Variants in PLPP7 observed in about 807,000 individuals in gnomAD.
The protein encoded by PLPP7 is phospholipid phosphatase 7 (inactive).
PLPP7 carries 11 observed loss-of-function variants against 16.9 expected under a neutral mutation model. The ratio of observed to expected loss-of-function variants is 0.65; its 90% CI spans 0.41 to 1.08. The LOEUF is 1.08. PLPP7 is among the 50% of genes least tolerant of loss of function. The probability of loss-of-function intolerance (pLI) is 0.00; values close to 1 mark genes in which losing one functional copy is unlikely to be tolerated. For synonymous variants in PLPP7, 174 were observed against 175.1 expected (o/e 0.99, Z 0.05); for missense variants, 358 against 397.1 (o/e 0.90, Z 0.84).
chr9:131,308,003 C>G lies in PLPP7; in HGVS notation c.532C>G (p.Leu178Val). The G allele has an allele frequency of 3.1e-6, 5 of 1,600,898 alleles. No homozygotes were observed. Among genetic ancestry groups the G allele is most frequent in the Non-Finnish European group, 4.2e-6 (5 of 1,179,828 alleles). The change falls in exon 2 of 2, where the codon CTC (leucine) becomes GTC (valine). Residue 178 changes from leucine to valine, a missense_variant. Transcript: ENST00000372264. ...CGGCCCGTACGAGACGAGCCCCAGC[C>G]TCCTGGACTACCTCACCATGGACAT... The part of the protein sequence containing the change: ...RRGPYETSPS[L>V]LDYLTMDIYA...
intron 1 of PLPP7, among the ~76,000 whole-genome samples, chr9:131,301,731 C>T (rs1835799909): frequency 1.3e-5 from 2 of 152,130 alleles, no homozygotes. Context: ...CACTCCTCCC[C>T]GGTTCATTGG....
Position 131,295,395 on chromosome 9 carries a change from A to G in PLPP7, c.451+4947A>G, listed in dbSNP as rs141790280. Among the ~76,000 whole-genome samples, 1,432 of 152,092 alleles carry G rather than the reference A, an allele frequency of 9.4e-3. 26 individuals carry two copies. The highest frequency in any genetic ancestry group is 0.032 in the African/African-American group (1,348 of 41,518). On this transcript the variant is annotated intron_variant, in intron 1 of 1. Coordinates refer to ENST00000372264, the MANE Select transcript of PLPP7 (RefSeq NM_032728.4). The surrounding 1 kb of genome is among the most constrained non-coding windows in gnomAD (Gnocchi z 4.0). ...TCTTGAACTGTTGACCTGATGATCC[A>G]CCTGCATCAGCTTCCCAAAGTGCTG...
At chr9:131,294,913 G>A (rs1326858804) in intron 1 of PLPP7, among the ~76,000 whole-genome samples, 1 of 151,964 alleles carries the variant, frequency 6.6e-6, no homozygotes, top group Non-Finnish European at 1.5e-5. Flanking sequence ...CCAAAGTGCT[G>A]GGATTACAGG....
Position 131,290,514 on chromosome 9 carries a change from C to A in PLPP7, c.451+66C>A. The A allele has an allele frequency of 7.1e-7, 1 of 1,412,992 alleles. No homozygotes were observed. The highest frequency in any genetic ancestry group is 1.5e-5 in the South Asian group (1 of 65,956). 87.5% of individuals were successfully genotyped at this position (1,412,992 alleles called of 1,614,324 possible). A position where few individuals can be genotyped will look rare whatever the true frequency, so the allele number is the denominator to read the frequency against. On this transcript the variant is annotated intron_variant, in intron 1 of 1. Transcript: ENST00000372264. This position sits in a 1 kb window ranked among gnomAD's most constrained non-coding sequence, Gnocchi z 4.2. ...CGGGAGGCAGCCTGGCCTGCCCAAC[C>A]CCACCCTGGCCGGGACCTGCACAGC...
At position 131,303,612 on chromosome 9, in the gene PLPP7, C is replaced by T. The variant is rs185239649; in HGVS notation, c.452-4311C>T. ...ACTGAACTGTCATTGAGTCATAACC[C>T]CCCACCTTTATCCAGCCCTCCTGGT... On this transcript the variant is annotated intron_variant, in intron 1 of 1. Transcript: ENST00000372264. 3.4e-3 allele frequency among the ~76,000 whole-genome samples: 516 copies of T among 152,196 alleles called. 4 individuals are homozygous for T. Among genetic ancestry groups the T allele is most frequent in the African/African-American group, 0.012 (501 of 41,526 alleles).
In PLPP7 at chr9:131,307,584, A is replaced by C. The variant is rs1421031980; in HGVS notation, c.452-339A>C. Among the ~76,000 whole-genome samples the C allele has an allele frequency of 2.5e-3, 353 of 141,482 alleles. 1 individual carries two copies. The highest frequency in any genetic ancestry group is 4.6e-3 in the Non-Finnish European group (295 of 64,628). The allele number at this position is 141,482 out of a possible 152,430, so 92.8% of individuals were successfully genotyped here. On this transcript the variant is annotated intron_variant, in intron 1 of 1. Transcript: ENST00000372264. ...AAAAAAAAAAAAAAAAAAAAAAAAA[A>C]CCCAAAGAAATAAAATGCGTATTAT...
At chr9:131,293,836 A>G (rs1051296240) in intron 1 of PLPP7, among the ~76,000 whole-genome samples, 3 of 152,090 alleles carry the variant, frequency 2.0e-5, no homozygotes, top group African/African-American at 2.4e-5. Flanking sequence ...CGGTGACATC[A>G]CTGCAATACT....
chr9:131,296,459 G>A (rs1564246520), intron 1 of PLPP7, among the ~76,000 whole-genome samples: 1 of 152,106 alleles, frequency 6.6e-6, no homozygotes, highest in Non-Finnish European at 1.5e-5. Context: ...TCACCATGTT[G>A]GCCAGGCTGG....
Position 131,308,080 on chromosome 9 carries a change from C to A in PLPP7, c.609C>A (p.Phe203Leu). 6.2e-7 allele frequency: 1 copy of A among 1,601,440 alleles called. No individual in the cohort carries two copies. Among genetic ancestry groups the A allele is most frequent in the South Asian group, 1.1e-5 (1 of 91,064 alleles). ...GCCGCGCCGCCATGGTGTCCAAGTT[C>A]TTCCTCAGCCACCTGGTGCTGGCGG... ...HASRAAMVSK[F>L]FLSHLVLAVP... The change falls in exon 2 of 2, where the codon TTC becomes TTA. Residue 203 changes from phenylalanine to leucine, a missense_variant. Coordinates refer to ENST00000372264, the MANE Select transcript of PLPP7 (RefSeq NM_032728.4).
At chr9:131,301,994 T>C (rs1423702037) in intron 1 of PLPP7, among the ~76,000 whole-genome samples, 1 of 152,024 alleles carries the variant, frequency 6.6e-6, no homozygotes, top group African/African-American at 2.4e-5. Flanking sequence ...TTTTTTTGTA[T>C]TTTTAGTAGA....
intron 1 of PLPP7, among the ~76,000 whole-genome samples, chr9:131,298,458 T>C (rs1457980557): frequency 6.6e-6 from 1 of 152,132 alleles, no homozygotes; most frequent in Admixed American, 6.5e-5. Context: ...CCTTGTTCCT[T>C]GCTTTAGAAC....
chr9:131,296,981 T>C (rs1474848934), intron 1 of PLPP7, among the ~76,000 whole-genome samples: 1 of 152,214 alleles, frequency 6.6e-6, no homozygotes, highest in Non-Finnish European at 1.5e-5. Context: ...TCAGATACCC[T>C]CCTGTGGGAA....
intron 1 of PLPP7, among the ~76,000 whole-genome samples, chr9:131,302,260 C>T (rs1199355498): frequency 6.6e-6 from 1 of 152,192 alleles, no homozygotes; most frequent in African/African-American, 2.4e-5. Flanking sequence ...AACTGCCTTC[C>T]CTCGCCAGGT....
In PLPP7 at chr9:131,308,071, G is replaced by A; in HGVS notation, c.600G>A (p.Val200=). 6.9e-6 allele frequency: 11 copies of A among 1,601,446 alleles called. No individual in the cohort carries two copies. In the South Asian group the frequency reaches 7.7e-5, roughly 11 times the overall value. Residue 200 remains valine, a synonymous_variant, in exon 2 of 2, where the codon GTG becomes GTA. Coordinates refer to ENST00000372264, the MANE Select transcript of PLPP7 (RefSeq NM_032728.4). ...PAGHASRAAM[V]SKFFLSHLVL... ...GGCACGCCAGCCGCGCCGCCATGGTGTCCAAGTTCTTCCTCAGCCACCTGG... is the reference window on the plus strand; with the variant it reads ...GGCACGCCAGCCGCGCCGCCATGGTATCCAAGTTCTTCCTCAGCCACCTGG...
Position 131,290,361 on chromosome 9 carries a change from G to A in PLPP7, c.364G>A (p.Gly122Ser), listed in dbSNP as rs145231730. Residue 122 changes from glycine (G) to serine (S), a missense_variant, in exon 1 of 2, where the codon GGC (glycine) becomes AGC (serine). Gly to Ser is a moderately conservative substitution (Grantham distance 56). Coordinates refer to ENST00000372264, the MANE Select transcript of PLPP7 (RefSeq NM_032728.4). The surrounding 1 kb of genome is among the most constrained non-coding windows in gnomAD (Gnocchi z 4.2). Reference sequence around the variant, plus strand: ...CAAGCTCATCGGCATCACGGGCCACGGCATCCCCTGGATCGGAGGCACCAT... The same window carrying A: ...CAAGCTCATCGGCATCACGGGCCACAGCATCCCCTGGATCGGAGGCACCAT... ...MVKLIGITGH[G>S]IPWIGGTILC... 5.3e-5 allele frequency: 85 copies of A among 1,608,188 alleles called. No individual in the cohort carries two copies. The highest frequency in any genetic ancestry group is 6.5e-5 in the Non-Finnish European group (76 of 1,177,740).
intron 1 of PLPP7, among the ~76,000 whole-genome samples, chr9:131,293,882 CGCTCTGGCCCCGTG>C (rs1835708180): frequency 6.6e-6 from 1 of 152,148 alleles, no homozygotes; most frequent in Non-Finnish European, 1.5e-5. Context: ...CCTGCCCACC[CGCTCTGGCCCCGTG>C]GCACTCAGCT....
rs1441099613 is a variant in PLPP7 at position 131,295,978 on chromosome 9, T to C, written c.451+5530T>C. 6.6e-6 allele frequency among the ~76,000 whole-genome samples: 1 copy of C among 152,194 alleles called. No homozygotes were observed. The highest frequency in any genetic ancestry group is 1.5e-5 in the Non-Finnish European group (1 of 68,042). The stretch of plus-strand genomic sequence containing the variant: ...TGCCGTGCGCACAGGTGTATATGCA[T>C]CTTCTTGAGCCCCTGCTTTCAGTTA... On this transcript the variant is annotated intron_variant, in intron 1 of 1. Coordinates refer to ENST00000372264, the MANE Select transcript of PLPP7 (RefSeq NM_032728.4). This position sits in a 1 kb window ranked among gnomAD's most constrained non-coding sequence, Gnocchi z 4.0.
rs764692797 is a variant in PLPP7, at chr9:131,307,983, C to G, written c.512C>G (p.Pro171Arg). ...CAGAAGCTCATCAAGCGGCGCGGCC[C>G]GTACGAGACGAGCCCCAGCCTCCTG... ...GVQKLIKRRG[P>R]YETSPSLLDY... Residue 171 changes from proline to arginine, a missense_variant, in exon 2 of 2, where the codon CCG (proline) becomes CGG (arginine). Coordinates refer to ENST00000372264, the MANE Select transcript of PLPP7 (RefSeq NM_032728.4). 14 of 1,600,058 alleles carry G rather than the reference C, an allele frequency of 8.7e-6. No homozygotes were observed. Among genetic ancestry groups the G allele is most frequent in the African/African-American group, 4.0e-5 (3 of 74,932 alleles).
At position 131,307,915 on chromosome 9, in the gene PLPP7, C is replaced by A. The variant is rs369010761; in HGVS notation, c.452-8C>A. 165 of 1,569,584 alleles carry A rather than the reference C, an allele frequency of 1.1e-4. No individual in the cohort carries two copies. Among genetic ancestry groups the A allele is most frequent in the South Asian group, 3.3e-4 (29 of 87,394 alleles). On this transcript the variant is annotated splice_polypyrimidine_tract_variant and splice_region_variant and intron_variant, in intron 1 of 1. Coordinates refer to ENST00000372264, the MANE Select transcript of PLPP7 (RefSeq NM_032728.4). ...GATGGCCCAGGGGCCTCTGTCTCCC[C>A]CCAACAGCCCTGCTCCTGGACATCA...
Sources: allele counts gnomAD v4.1 joint callset (sites outside exome capture counted in the v4.1 genomes callset), GRCh38; gene constraint gnomAD v4.1.1; non-coding constraint Gnocchi (gnomAD v3.1); transcripts MANE v1.5; gene names NCBI Gene and HGNC (gene_info 2026-07-23, HGNC 2026-07-21).